APLF: variants seen among roughly 807,000 people sequenced by gnomAD.
The protein encoded by APLF is aprataxin and PNK-like factor.
In APLF, 61 loss-of-function variants were observed where a neutral mutation model predicts 55.6. The ratio of observed to expected loss-of-function variants is 1.10; its 90% CI spans 0.89 to 1.36. The LOEUF (loss-of-function observed/expected upper bound fraction) is 1.36. Among genes scored for constraint, APLF ranks in the 40% most tolerant of loss-of-function variants. The pLI, the probability that APLF is intolerant of heterozygous loss-of-function variation, is 0.00. For missense variants in APLF, 611 were observed against 602.5 expected (o/e 1.01, Z -0.15); for synonymous variants, 207 against 214.8 (o/e 0.96, Z 0.32).
At chr2:68,513,470 G>C (rs75076249) in intron 4 of APLF, 78 bp from the exon 5 acceptor site, 47,055 of 1,481,794 alleles carry the variant, frequency 0.032, 899 homozygotes, top group Middle Eastern at 0.053. Context: ...TTTAATGGTA[G>C]TATTCTGCAA....
chr2:68,563,428 TG>T, intron 8 of APLF: 1 of 871,828 alleles, frequency 1.1e-6, no homozygotes, highest in Non-Finnish European at 1.4e-6. Context: ...TGGATGCAGA[TG>T]GTGCATGCGA....
intron 7 of APLF, among the ~76,000 whole-genome samples, chr2:68,541,194 G>T (rs1399846016): frequency 6.6e-6 from 1 of 151,990 alleles, no homozygotes; most frequent in Non-Finnish European, 1.5e-5. Flanking sequence ...GGTAGCAGAG[G>T]ATAACATAGA....
At chr2:68,475,906 A>G (rs1166706021) in intron 1 of APLF, among the ~76,000 whole-genome samples, 1 of 146,976 alleles carries the variant, frequency 6.8e-6, no homozygotes, top group Non-Finnish European at 1.5e-5. Flanking sequence ...TATTTTACTT[A>G]CCCTCTGCTC....
intron 9 of APLF, among the ~76,000 whole-genome samples, chr2:68,572,695 G>A (rs1024255186): frequency 6.6e-6 from 1 of 152,022 alleles, no homozygotes; most frequent in Admixed American, 6.6e-5. Context: ...AAATTAACCA[G>A]TTGTGGTGAT....
At chr2:68,515,606 G>C in intron 5 of APLF, 7 of 984,816 alleles carry the variant, frequency 7.1e-6, no homozygotes, top group Non-Finnish European at 8.4e-6. Flanking sequence ...AAAATATGAA[G>C]CACGTTTTTG....
At chr2:68,507,120 A>G (rs1023031831) in intron 3 of APLF, among the ~76,000 whole-genome samples, 2 of 151,924 alleles carry the variant, frequency 1.3e-5, no homozygotes, top group Admixed American at 6.6e-5. Context: ...AAATGTTTCT[A>G]TCGGGGTGGT....
In APLF at chr2:68,578,915, C is replaced by T. The variant is rs1001396390; in HGVS notation, c.*893C>T. The T allele has an allele frequency of 1.0e-6, 1 of 985,122 alleles. No homozygotes were observed. Among genetic ancestry groups the T allele is most frequent in the African/African-American group, 1.7e-5 (1 of 57,194 alleles). The allele number at this position is 985,122 out of a possible 1,614,324, so 61.0% of individuals were successfully genotyped here. A position where few individuals can be genotyped will look rare whatever the true frequency, so the allele number is the denominator to read the frequency against. On this transcript the variant is annotated 3_prime_UTR_variant, in exon 10 of 10. Coordinates refer to ENST00000303795, the MANE Select transcript of APLF (RefSeq NM_173545.3). ...TATCAAGAAGAAACCACTTATTCTC[C>T]AGTTTTACAAAGTATCTTTCTGTAT...
chr2:68,559,705 A>G (rs1573264310), intron 8 of APLF, among the ~76,000 whole-genome samples: 1 of 151,938 alleles, frequency 6.6e-6, no homozygotes, highest in African/African-American at 2.4e-5. Flanking sequence ...TTTGCCCTCT[A>G]CCACCCCAGT....
At chr2:68,545,447 A>G in intron 8 of APLF, 135 bp downstream of exon 8, 1 of 1,113,172 alleles carries the variant, frequency 9.0e-7, no homozygotes, top group Non-Finnish European at 1.2e-6. Context: ...ACAGGTTTTC[A>G]TGTTGGTAAT....
At chr2:68,565,572 A>G (rs1373624511) in intron 8 of APLF, among the ~76,000 whole-genome samples, 5 of 151,616 alleles carry the variant, frequency 3.3e-5, no homozygotes, top group Admixed American at 3.3e-4. Context: ...AAAGAAGTTA[A>G]TATTTGGAGC....
At chr2:68,500,094 G>T (rs538636558) in intron 2 of APLF, among the ~76,000 whole-genome samples, 2 of 152,062 alleles carry the variant, frequency 1.3e-5, no homozygotes, top group African/African-American at 4.8e-5. Context: ...TTAGGTTTTT[G>T]TATACTTTGT....
chr2:68,479,238 G>A (rs951116146), intron 1 of APLF, among the ~76,000 whole-genome samples: 2 of 152,126 alleles, frequency 1.3e-5, no homozygotes, highest in Non-Finnish European at 2.9e-5. Flanking sequence ...AGAACATCAC[G>A]AGTCCCGAAG....
chr2:68,576,220 A>G (rs1234964502), intron 9 of APLF, among the ~76,000 whole-genome samples: 1 of 152,176 alleles, frequency 6.6e-6, no homozygotes, highest in African/African-American at 2.4e-5. Flanking sequence ...TATTTCCAAG[A>G]GGAAAATAGA....
intron 5 of APLF, among the ~76,000 whole-genome samples, chr2:68,518,138 T>C (rs1669698713): frequency 7.8e-6 from 1 of 127,852 alleles, no homozygotes; most frequent in South Asian, 2.3e-4. Context: ...TATATTAATA[T>C]ATAATAATAT....
intron 1 of APLF, among the ~76,000 whole-genome samples, chr2:68,485,432 T>C (rs1385131273): frequency 6.6e-6 from 1 of 152,134 alleles, no homozygotes; most frequent in Non-Finnish European, 1.5e-5. Flanking sequence ...AGGAAGCACA[T>C]CTATCAGTTT....
intron 1 of APLF, among the ~76,000 whole-genome samples, chr2:68,488,234 T>C (rs989623568): frequency 4.6e-5 from 7 of 151,998 alleles, no homozygotes; most frequent in African/African-American, 1.5e-4. Context: ...AAGTCAGAAA[T>C]AGGAACTGCT....
rs374756011 is a variant in APLF, at chr2:68,578,177, G to A, written c.*155G>A. 258 of 1,407,836 alleles carry A rather than the reference G, an allele frequency of 1.8e-4. 1 individual carries two copies. The East Asian group carries it at 2.0e-3, about 11-fold the overall frequency. 87.2% of individuals were successfully genotyped at this position (1,407,836 alleles called of 1,614,324 possible). Reference sequence around the variant, plus strand: ...CTCTTTACAAATGAGACATTGAAACGTCAGCCTTCAGTATAATAGATGGAA... The same window carrying A: ...CTCTTTACAAATGAGACATTGAAACATCAGCCTTCAGTATAATAGATGGAA... On this transcript the variant is annotated 3_prime_UTR_variant, in exon 10 of 10. Coordinates refer to ENST00000303795, the MANE Select transcript of APLF (RefSeq NM_173545.3).
intron 1 of APLF, among the ~76,000 whole-genome samples, chr2:68,475,590 G>T (rs1210489218): frequency 6.6e-6 from 1 of 152,060 alleles, no homozygotes; most frequent in Non-Finnish European, 1.5e-5. Context: ...GTGTTTATGG[G>T]GAGTCTCTGG....
rs536316973 is a variant in APLF at position 68,556,356 on chromosome 2, A to T, written c.1287-10985A>T. ...GTTCCCCAATAACCTATGGAAATAA[A>T]AAAAATTTAATAAAAAAAGGTATCT... On this transcript the variant is annotated intron_variant, in intron 8 of 9. Coordinates refer to ENST00000303795, the MANE Select transcript of APLF (RefSeq NM_173545.3). 6.6e-5 allele frequency among the ~76,000 whole-genome samples: 10 copies of T among 152,316 alleles called. No individual in the cohort carries two copies. In the East Asian group the frequency reaches 1.9e-3, roughly 29 times the overall value.
Sources: allele counts gnomAD v4.1 joint callset (sites outside exome capture counted in the v4.1 genomes callset), GRCh38; gene constraint gnomAD v4.1.1; transcripts MANE v1.5; gene names NCBI Gene and HGNC (gene_info 2026-07-23, HGNC 2026-07-21).